Variants in ADCY1 observed in about 807,000 individuals in gnomAD.
ADCY1 encodes the protein adenylate cyclase type 1.
In ADCY1, 28 loss-of-function variants were observed where a neutral mutation model predicts 105.4. That is an observed-to-expected ratio of 0.27 (90% CI 0.20 to 0.36). The LOEUF (loss-of-function observed/expected upper bound fraction) is 0.36. ADCY1 is among the 10% of genes least tolerant of loss of function. ADCY1 has a pLI of 1.00. For missense variants in ADCY1, 977 were observed against 1,434.2 expected (o/e 0.68, Z 5.15); for synonymous variants, 655 against 623.8 (o/e 1.05, Z -0.75).
chr7:45,654,987 C>T (rs1040229351), intron 5 of ADCY1, among the ~76,000 whole-genome samples: 7 of 152,146 alleles, frequency 4.6e-5, no homozygotes, highest in East Asian at 1.9e-4. Flanking sequence ...CTGCTGCAGG[C>T]GTGTGTGTTG....
intron 4 of ADCY1, among the ~76,000 whole-genome samples, chr7:45,631,579 C>T (rs1025376182): frequency 1.3e-5 from 2 of 152,222 alleles, no homozygotes; most frequent in East Asian, 3.8e-4. Flanking sequence ...ATAAGCTCTG[C>T]ATCCAAACTT....
chr7:45,615,414 A>G (rs1793711566), intron 3 of ADCY1, among the ~76,000 whole-genome samples: 1 of 152,228 alleles, frequency 6.6e-6, no homozygotes, highest in South Asian at 2.1e-4. Flanking sequence ...CCTAGACAAC[A>G]TAGTAAGACC....
chr7:45,644,402 G>A (rs755695995), intron 4 of ADCY1, among the ~76,000 whole-genome samples: 1 of 152,134 alleles, frequency 6.6e-6, no homozygotes, highest in Non-Finnish European at 1.5e-5. Flanking sequence ...TTTTGTTCTA[G>A]ACCCTTCTCT....
intron 2 of ADCY1, among the ~76,000 whole-genome samples, chr7:45,598,908 G>A (rs1263081184): frequency 6.6e-6 from 1 of 152,232 alleles, no homozygotes; most frequent in Admixed American, 6.5e-5. Context: ...GGCAGGAAAA[G>A]CCTCTTTCTC....
chr7:45,711,914 A>ATG (rs1491507469), intron 19 of ADCY1, among the ~76,000 whole-genome samples: 1 of 16,400 alleles, frequency 6.1e-5, no homozygotes, highest in Admixed American at 1.6e-3. Flanking sequence ...AAATATATAA[A>ATG]TATATTATAT....
chr7:45,619,948 A>G (rs1465274811), intron 3 of ADCY1, among the ~76,000 whole-genome samples: 1 of 152,242 alleles, frequency 6.6e-6, no homozygotes, highest in Non-Finnish European at 1.5e-5. Context: ...TTATCAAAAC[A>G]TCAAATTGTA....
At chr7:45,660,322 C>A in intron 7 of ADCY1, 139 bp downstream of exon 7, 1 of 1,234,368 alleles carries the variant, frequency 8.1e-7, no homozygotes, top group Non-Finnish European at 1.1e-6. Flanking sequence ...GGAGAGTTGT[C>A]CCCACTGACA....
intron 7 of ADCY1, among the ~76,000 whole-genome samples, chr7:45,661,033 C>A (rs750756189): frequency 1.2e-4 from 18 of 151,772 alleles, no homozygotes; most frequent in Non-Finnish European, 2.5e-4. Flanking sequence ...GGTTCAGGCT[C>A]AGGGGAGGGT....
rs1423794483 is a variant in ADCY1, at chr7:45,591,954, G to T, written c.640-805G>T. ...GAAGCTGAAGTGGGGACAGGACTAA[G>T]GGAGAGTGCAGAGACCGGGCTCTGG... is the stretch of plus-strand genomic sequence containing the variant. On this transcript the variant is annotated intron_variant, in intron 1 of 19. Coordinates refer to ENST00000297323, the MANE Select transcript of ADCY1 (RefSeq NM_021116.4). This position sits in a 1 kb window ranked among gnomAD's most constrained non-coding sequence, Gnocchi z 4.1. 6.6e-6 allele frequency among the ~76,000 whole-genome samples: 1 copy of T among 152,222 alleles called. No homozygotes were observed. The highest frequency in any genetic ancestry group is 2.4e-5 in the African/African-American group (1 of 41,464).
intron 4 of ADCY1, among the ~76,000 whole-genome samples, chr7:45,634,767 A>G (rs1345618859): frequency 6.6e-6 from 1 of 152,172 alleles, no homozygotes; most frequent in Non-Finnish European, 1.5e-5. Context: ...AATATTTTCA[A>G]CTTACCATAC....
intron 14 of ADCY1, among the ~76,000 whole-genome samples, chr7:45,698,178 CACACACACACAT>C: frequency 6.6e-6 from 1 of 152,188 alleles, no homozygotes; most frequent in East Asian, 1.9e-4. Flanking sequence ...CACACACACA[CACACACACACAT>C]ACACCACTTA....
In ADCY1 at chr7:45,678,083, G is replaced by A. The variant is rs764275615; in HGVS notation, c.1800+20G>A. On this transcript the variant is annotated intron_variant, in intron 9 of 19. Transcript: ENST00000297323. Reference sequence around the variant, plus strand: ...CAAAAGGTAAGCAACTCTGGTTTTCGGCTTCCCTGGTGCTGCTTGCGAAGG... The same window carrying A: ...CAAAAGGTAAGCAACTCTGGTTTTCAGCTTCCCTGGTGCTGCTTGCGAAGG... 9 of 1,613,684 alleles carry A rather than the reference G, an allele frequency of 5.6e-6. No individual in the cohort carries two copies. The highest frequency in any genetic ancestry group is 1.7e-5 in the Admixed American group (1 of 59,964).
chr7:45,685,874 C>T, intron 12 of ADCY1, 88 bp from the exon 13 acceptor site: 1 of 1,491,706 alleles, frequency 6.7e-7, no homozygotes, highest in East Asian at 2.3e-5. Context: ...CTTGGGAGAC[C>T]TGCTTGAAGA....
At position 45,660,062 on chromosome 7, in the gene ADCY1, C is replaced by T. The variant is rs376984015; in HGVS notation, c.1328C>T (p.Thr443Met). 9 of 1,614,128 alleles carry T rather than the reference C, an allele frequency of 5.6e-6. No individual in the cohort carries two copies. Among genetic ancestry groups the T allele is most frequent in the Admixed American group, 3.3e-5 (2 of 60,024 alleles). ...GLPGKVHITK[T>M]TLACLNGDYE... ...TGTAGGAAGGTTCATATCACAAAGA[C>T]GACCCTAGCGTGCTTGAATGGGGAC... Residue 443 changes from threonine to methionine, a missense_variant, in exon 7 of 20, where the codon ACG becomes ATG. Thr to Met is a moderately conservative substitution (Grantham distance 81). Around this residue, in one of 7 missense-constraint regions of ADCY1, gnomAD observed 66 missense variants for 127.2 expected, o/e 0.52. Coordinates refer to ENST00000297323, the MANE Select transcript of ADCY1 (RefSeq NM_021116.4).
At chr7:45,597,889 C>T (rs553580023) in intron 2 of ADCY1, among the ~76,000 whole-genome samples, 2 of 152,282 alleles carry the variant, frequency 1.3e-5, no homozygotes, top group South Asian at 4.1e-4. Flanking sequence ...GAAAGGTTTA[C>T]CTGAATTGTC....
At chr7:45,648,536 A>T (rs1379142136) in intron 4 of ADCY1, 134 bp from the exon 5 acceptor site, 1 of 1,190,490 alleles carries the variant, frequency 8.4e-7, no homozygotes, top group Non-Finnish European at 1.2e-6. Flanking sequence ...CCTGGGCGGG[A>T]AGGTGGTGGC....
chr7:45,686,276 C>T lies in ADCY1; in HGVS notation c.2327+61C>T. ...AGCGGTGCTACTGAATCTGTGTATA[C>T]AGATATGCACTACAGGCTTCTGAGT... On this transcript the variant is annotated intron_variant, in intron 13 of 19. Coordinates refer to ENST00000297323, the MANE Select transcript of ADCY1 (RefSeq NM_021116.4). The surrounding 1 kb of genome is among the most constrained non-coding windows in gnomAD (Gnocchi z 4.3). 1 of 1,562,544 alleles carries T rather than the reference C, an allele frequency of 6.4e-7. No individual in the cohort carries two copies. Among genetic ancestry groups the T allele is most frequent in the Non-Finnish European group, 8.7e-7 (1 of 1,151,990 alleles).
intron 14 of ADCY1, among the ~76,000 whole-genome samples, chr7:45,699,400 C>T (rs1370135364): frequency 6.6e-6 from 1 of 152,148 alleles, no homozygotes; most frequent in African/African-American, 2.4e-5. Flanking sequence ...TCCCCCATCT[C>T]TGTGAGGTGT....
At chr7:45,597,367 G>A (rs1793106305) in intron 2 of ADCY1, among the ~76,000 whole-genome samples, 1 of 152,174 alleles carries the variant, frequency 6.6e-6, no homozygotes, top group Non-Finnish European at 1.5e-5. Context: ...ATGCCAGATC[G>A]TTCTTGCCCC....
Sources: allele counts gnomAD v4.1 joint callset (sites outside exome capture counted in the v4.1 genomes callset), GRCh38; gene constraint gnomAD v4.1.1; regional missense constraint gnomAD v4.1.1; non-coding constraint Gnocchi (gnomAD v3.1); transcripts MANE v1.5; gene names NCBI Gene and HGNC (gene_info 2026-07-23, HGNC 2026-07-21).